The following NPAS3 variants were observed in gnomAD, a reference collection of about 807,000 sequenced individuals.
NPAS3 encodes the protein neuronal PAS domain protein 3.
Under a neutral mutation model 73.1 loss-of-function variants are expected in NPAS3, and 14 were observed. The ratio of observed to expected loss-of-function variants is 0.19; its 90% CI spans 0.13 to 0.30. The LOEUF (loss-of-function observed/expected upper bound fraction) is 0.30, where lower values mean the gene tolerates loss of function less well. NPAS3 is among the 10% of genes least tolerant of loss of function. NPAS3 has a pLI of 1.00. For missense variants in NPAS3, 1,096 were observed against 1,250.0 expected, an observed-to-expected ratio of 0.88 and a Z score of 1.86; for synonymous variants, 620 against 541.5, an observed-to-expected ratio of 1.14 and a Z score of -2.01.
chr14:33,794,053 TC>T lies in NPAS3; in HGVS notation c.1301+10del. 1 of 1,608,846 alleles carries T rather than the reference TC, an allele frequency of 6.2e-7. No homozygotes were observed. On this transcript the variant is annotated intron_variant, in intron 10 of 11. Transcript: ENST00000356141. ...GTGAATTACCTTCTTAGGTATATTTTCTACTTCTTTTCTATTTCTGTCCTGG... is the reference window on the plus strand; with the variant it reads ...GTGAATTACCTTCTTAGGTATATTTTTACTTCTTTTCTATTTCTGTCCTGG...
chr14:33,072,963 TA>T (rs199867533), intron 2 of NPAS3, among the ~76,000 whole-genome samples: 4 of 152,168 alleles, frequency 2.6e-5, no homozygotes, highest in East Asian at 1.9e-4. Context: ...TGCCACAACT[TA>T]AAAAAAATTT....
chr14:33,782,823 T>TAAAAAAAAAAAAAAAAAAAAA (rs199704146), intron 9 of NPAS3, among the ~76,000 whole-genome samples: 83 of 148,656 alleles, frequency 5.6e-4, no homozygotes, highest in South Asian at 8.5e-4. Flanking sequence ...TGTTTTTTTT[T>TAAAAAAAAAAAAAAAAAAAAA]AAAAAAAAGA....
intron 1 of NPAS3, among the ~76,000 whole-genome samples, chr14:32,998,053 G>A (rs1295099796): frequency 1.3e-5 from 2 of 152,094 alleles, no homozygotes; most frequent in Non-Finnish European, 2.9e-5. Flanking sequence ...TTGAAAATGG[G>A]TACTCAAATA....
At chr14:33,161,364 A>T (rs554826319) in intron 2 of NPAS3, among the ~76,000 whole-genome samples, 1 of 152,222 alleles carries the variant, frequency 6.6e-6, no homozygotes, top group African/African-American at 2.4e-5. Flanking sequence ...TTATAGATGT[A>T]GAGAGCAAGA....
chr14:33,233,107 C>T (rs569296783), intron 3 of NPAS3, among the ~76,000 whole-genome samples: 2 of 152,258 alleles, frequency 1.3e-5, no homozygotes, highest in East Asian at 1.9e-4. Context: ...AATCAAATTA[C>T]TTAAATGATG....
intron 2 of NPAS3, among the ~76,000 whole-genome samples, chr14:33,058,681 G>A (rs1353143046): frequency 1.3e-5 from 2 of 152,174 alleles, no homozygotes; most frequent in African/African-American, 2.4e-5. Flanking sequence ...ATTTCAGTAA[G>A]AATGTGTCTT....
intron 4 of NPAS3, among the ~76,000 whole-genome samples, chr14:33,378,494 G>A (rs1788115263): frequency 6.6e-6 from 1 of 152,116 alleles, no homozygotes; most frequent in Admixed American, 6.6e-5. Context: ...AAATTAGCTG[G>A]GTATGGTGGC....
chr14:33,191,761 T>C (rs1364382610), intron 2 of NPAS3, among the ~76,000 whole-genome samples: 1 of 152,226 alleles, frequency 6.6e-6, no homozygotes, highest in African/African-American at 2.4e-5. Flanking sequence ...ACCAGTGTTC[T>C]CAATTTTGTA....
chr14:33,086,881 A>G (rs571717784), intron 2 of NPAS3, among the ~76,000 whole-genome samples: 2 of 152,086 alleles, frequency 1.3e-5, no homozygotes, highest in South Asian at 2.1e-4. Flanking sequence ...TTCTCCATGC[A>G]TTGCACAAGA....
At chr14:33,113,459 C>T (rs1222034601) in intron 2 of NPAS3, among the ~76,000 whole-genome samples, 1 of 152,092 alleles carries the variant, frequency 6.6e-6, no homozygotes, top group Non-Finnish European at 1.5e-5. Flanking sequence ...CATGATTTGC[C>T]TCTCTGTTTG....
chr14:33,139,565 A>G (rs2043967875), intron 2 of NPAS3, among the ~76,000 whole-genome samples: 1 of 152,152 alleles, frequency 6.6e-6, no homozygotes. Flanking sequence ...GTATGTTGGC[A>G]TATTAAAGAA....
chr14:33,415,269 T>C (rs2048100538), intron 4 of NPAS3, among the ~76,000 whole-genome samples: 1 of 152,178 alleles, frequency 6.6e-6, no homozygotes, highest in South Asian at 2.1e-4. Context: ...TCAAGTATTA[T>C]AACAAGAATA....
At position 33,800,495 on chromosome 14, in the gene NPAS3, C is replaced by T; in HGVS notation, c.2188C>T (p.Gln730Ter). 1 of 1,448,606 alleles carries T rather than the reference C, an allele frequency of 6.9e-7. No individual in the cohort carries two copies. Among genetic ancestry groups the T allele is most frequent in the Non-Finnish European group, 9.0e-7 (1 of 1,108,098 alleles). The allele number at this position is 1,448,606 out of a possible 1,614,324, so 89.7% of individuals were successfully genotyped here. A position where few individuals can be genotyped will look rare whatever the true frequency, so the allele number is the denominator to read the frequency against. Residue 730 changes from glutamine to a stop codon, truncating the protein, a stop_gained, in exon 12 of 12, where the codon CAG becomes TAG. Coordinates refer to ENST00000356141, the Ensembl canonical transcript of NPAS3. LOFTEE classifies it high-confidence loss of function. This position sits in a 1 kb window ranked among gnomAD's most constrained non-coding sequence, Gnocchi z 6.5. ...CGACGGCGCGGCCGCCCGCAAGACT[C>T]AGTTCGGCGCCTCGGCCACCGCGGC...
chr14:33,184,060 G>A (rs2045897765), intron 2 of NPAS3, among the ~76,000 whole-genome samples: 1 of 152,094 alleles, frequency 6.6e-6, no homozygotes, highest in East Asian at 1.9e-4. Context: ...CTCCTTCGTA[G>A]CATGGCAGTA....
At chr14:33,007,361 G>A (rs1319861627) in intron 1 of NPAS3, among the ~76,000 whole-genome samples, 1 of 152,172 alleles carries the variant, frequency 6.6e-6, no homozygotes, top group Non-Finnish European at 1.5e-5. Flanking sequence ...TAGGCTATAG[G>A]AGGTACATCA....
chr14:33,611,146 G>A (rs1178111961), intron 5 of NPAS3: 3 of 152,142 alleles, frequency 2.0e-5, no homozygotes, highest in African/African-American at 4.8e-5. Context: ...AAAAGAAGCC[G>A]ATAGACCTCC....
Position 33,797,520 on chromosome 14 carries a change from T to C in NPAS3, c.1365T>C (p.Thr455=), listed in dbSNP as rs116670452. The C allele has an allele frequency of 3.4e-5, 55 of 1,614,098 alleles. No individual in the cohort carries two copies. In the African/African-American group the frequency reaches 6.7e-4, roughly 20 times the overall value. Reference sequence around the variant, plus strand: ...AGCTCCCCCATCTGCCGGAGAAAACTTCCGAATCCTCGGAGACATCCGACT... The same window carrying C: ...AGCTCCCCCATCTGCCGGAGAAAACCTCCGAATCCTCGGAGACATCCGACT... The change falls in exon 11 of 12, where the codon ACT becomes ACC. Residue 455 remains threonine, a synonymous_variant. Coordinates refer to ENST00000356141, the Ensembl canonical transcript of NPAS3.
chr14:33,045,947 C>G (rs1228635236), intron 1 of NPAS3, among the ~76,000 whole-genome samples: 2 of 152,172 alleles, frequency 1.3e-5, no homozygotes, highest in Non-Finnish European at 1.5e-5. Context: ...GACCTACTTC[C>G]TGTACACGTC....
chr14:33,621,764 AAATG>A (rs2058081720), intron 5 of NPAS3, among the ~76,000 whole-genome samples: 1 of 152,222 alleles, frequency 6.6e-6, no homozygotes, highest in Non-Finnish European at 1.5e-5. Context: ...AGGGGTAAAA[AAATG>A]AAAGAAGAAA....
Sources: allele counts gnomAD v4.1 joint callset (sites outside exome capture counted in the v4.1 genomes callset), GRCh38; gene constraint gnomAD v4.1.1; non-coding constraint Gnocchi (gnomAD v3.1); transcripts MANE v1.5; gene names NCBI Gene and HGNC (gene_info 2026-07-23, HGNC 2026-07-21).